The following SCNN1B variants were observed in gnomAD, a reference collection of about 807,000 sequenced individuals.
The protein encoded by SCNN1B is epithelial sodium channel subunit beta.
A neutral mutation model predicts 65.3 loss-of-function variants in SCNN1B; 46 were observed. That is an observed-to-expected ratio of 0.70 (90% CI 0.56 to 0.90). The LOEUF (loss-of-function observed/expected upper bound fraction) is 0.90. Ranked by LOEUF, SCNN1B falls within the 40% of genes least tolerant of loss-of-function variation. The pLI is 0.00. For missense variants in SCNN1B, 751 were observed against 830.5 expected (o/e 0.90, Z 1.18); for synonymous variants, 349 against 330.6 (o/e 1.06, Z -0.60).
chr16:23,317,550 C>T (rs72652293), intron 1 of SCNN1B, among the ~76,000 whole-genome samples: 5,927 of 152,152 alleles, frequency 0.039, 319 homozygotes, highest in African/African-American at 0.12. Flanking sequence ...CTGATGCTGC[C>T]GCCAATCCGG....
chr16:23,311,596 G>A (rs60280007), intron 1 of SCNN1B, among the ~76,000 whole-genome samples: 5,367 of 152,242 alleles, frequency 0.035, 292 homozygotes, highest in African/African-American at 0.12. Context: ...ACCCCAGGAG[G>A]GATTACCTTT....
At chr16:23,313,404 C>G (rs559633574) in intron 1 of SCNN1B, among the ~76,000 whole-genome samples, 1 of 152,278 alleles carries the variant, frequency 6.6e-6, no homozygotes, top group South Asian at 2.1e-4. Context: ...ATCCTGAAGA[C>G]CCCTCTACAA....
At chr16:23,350,003 G>A (rs925031175) in intron 2 of SCNN1B, among the ~76,000 whole-genome samples, 4 of 151,676 alleles carry the variant, frequency 2.6e-5, no homozygotes, top group South Asian at 2.1e-4. Flanking sequence ...GCTTGACCCC[G>A]AGAGGCAGAG....
Position 23,288,886 on chromosome 16 carries a change from T to A in SCNN1B, n.178+5082T>A, listed in dbSNP as rs77325114. ...TTCAGTTCCTCAAGAGTTGTTGGAC[T>A]CGGGGCCTCAGTTCCTGTCTGGTTT... On this transcript the variant is annotated intron_variant and non_coding_transcript_variant, in intron 2 of 3. Transcript: ENST00000569789. 2.0e-3 allele frequency among the ~76,000 whole-genome samples: 307 copies of A among 152,278 alleles called. 2 individuals carry two copies. Among genetic ancestry groups the A allele is most frequent in the African/African-American group, 6.8e-3 (281 of 41,578 alleles).
At chr16:23,356,602 T>C (rs1962425847) in intron 4 of SCNN1B, among the ~76,000 whole-genome samples, 2 of 149,680 alleles carry the variant, frequency 1.3e-5, no homozygotes, top group Non-Finnish European at 2.9e-5. Context: ...CCAGTCTGGG[T>C]GACAGAATGA....
intron 10 of SCNN1B, 60 bp from the exon 11 acceptor site, chr16:23,378,646 G>A: frequency 6.6e-7 from 1 of 1,505,402 alleles, no homozygotes; most frequent in Non-Finnish European, 9.2e-7. Context: ...AGGGAACAGA[G>A]CCATGACTGG....
intron 11 of SCNN1B, 137 bp downstream of exon 11, chr16:23,378,904 C>T (rs1229843988): frequency 1.3e-6 from 1 of 779,500 alleles, no homozygotes; most frequent in Non-Finnish European, 2.2e-6. Flanking sequence ...GAGGAGGAGG[C>T]ACTAGGAGTG....
At chr16:23,350,181 ACACAAC>A (rs1405421637) in intron 2 of SCNN1B, among the ~76,000 whole-genome samples, 1 of 152,186 alleles carries the variant, frequency 6.6e-6, no homozygotes, top group Non-Finnish European at 1.5e-5. Context: ...ATTCTAATCC[ACACAAC>A]CACCCTAGGA....
At chr16:23,307,429 C>T (rs1961244073) in intron 1 of SCNN1B, among the ~76,000 whole-genome samples, 1 of 151,514 alleles carries the variant, frequency 6.6e-6, no homozygotes, top group Admixed American at 6.6e-5. Flanking sequence ...AAGTGATGCT[C>T]CTGCCTCAGC....
intron 2 of SCNN1B, among the ~76,000 whole-genome samples, chr16:23,285,990 T>C (rs1030286517): frequency 7.9e-5 from 12 of 152,010 alleles, no homozygotes; most frequent in African/African-American, 2.9e-4. Flanking sequence ...ATAAATACCA[T>C]TGAATGAAAC....
intron 7 of SCNN1B, 30 bp downstream of exon 7, chr16:23,371,913 G>A (rs370750866): frequency 4.0e-4 from 611 of 1,528,194 alleles, no homozygotes; most frequent in Non-Finnish European, 5.2e-4. Flanking sequence ...CTCATGCCCC[G>A]GGGCCCCTGT....
Position 23,358,922 on chromosome 16 carries a change from A to G in SCNN1B, c.776+3433A>G, listed in dbSNP as rs150451516. Among the ~76,000 whole-genome samples, 38 of 152,302 alleles carry G rather than the reference A, an allele frequency of 2.5e-4. 1 individual carries two copies. In the East Asian group the frequency reaches 6.8e-3, roughly 27 times the overall value. On this transcript the variant is annotated intron_variant, in intron 4 of 12. Transcript: ENST00000343070. ...ACTCTCTTAAAAAACAGCAACAAAAACAAAAACCCCAATTTGACAAGGAAT... is the reference window on the plus strand; with the variant it reads ...ACTCTCTTAAAAAACAGCAACAAAAGCAAAAACCCCAATTTGACAAGGAAT...
In SCNN1B at chr16:23,305,577, T is replaced by A. The variant is rs56398020; in HGVS notation, c.-9+3140T>A. ...ATATATATATATATATATATATATA[T>A]TATATATATATATATATATATAACC... On this transcript the variant is annotated intron_variant, in intron 1 of 12. Transcript: ENST00000343070. Among the ~76,000 whole-genome samples the A allele has an allele frequency of 1.1e-3, 27 of 23,652 alleles. 1 individual carries two copies. The highest frequency in any genetic ancestry group is 6.8e-3 in the East Asian group (3 of 440). 15.5% of individuals were successfully genotyped at this position (23,652 alleles called of 152,430 possible).
intron 2 of SCNN1B, among the ~76,000 whole-genome samples, chr16:23,286,528 A>G (rs905416647): frequency 3.3e-5 from 5 of 152,278 alleles, no homozygotes; most frequent in African/African-American, 9.6e-5. Context: ...ATGCAAGAGC[A>G]TACTTATAAC....
intron 2 of SCNN1B, among the ~76,000 whole-genome samples, chr16:23,290,701 A>C (rs910391010): frequency 9.2e-5 from 14 of 152,216 alleles, no homozygotes; most frequent in African/African-American, 3.4e-4. Context: ...TTAATTAAAA[A>C]AAATTAGACT....
intron 1 of SCNN1B, among the ~76,000 whole-genome samples, chr16:23,318,247 C>A (rs1052939895): frequency 6.6e-6 from 1 of 152,202 alleles, no homozygotes; most frequent in Admixed American, 6.6e-5. Flanking sequence ...TACTTACTCT[C>A]ACTGTGTGAT....
intron 2 of SCNN1B, among the ~76,000 whole-genome samples, chr16:23,284,701 T>G (rs1461600479): frequency 6.6e-6 from 1 of 151,980 alleles, no homozygotes; most frequent in African/African-American, 2.4e-5. Context: ...TAGGGAGAGG[T>G]GAGGACCATG....
chr16:23,343,625 A>AAG (rs1461866809), intron 1 of SCNN1B, among the ~76,000 whole-genome samples: 1 of 134,686 alleles, frequency 7.4e-6, no homozygotes, highest in Admixed American at 7.3e-5. Context: ...GAAAGAAAGA[A>AAG]AGAAAGAAAG....
At chr16:23,337,881 C>T (rs1292808804) in intron 1 of SCNN1B, among the ~76,000 whole-genome samples, 1 of 151,888 alleles carries the variant, frequency 6.6e-6, no homozygotes, top group Non-Finnish European at 1.5e-5. Context: ...AGCTGGGCAA[C>T]ATGGCAAAAC....
Sources: allele counts gnomAD v4.1 joint callset (sites outside exome capture counted in the v4.1 genomes callset), GRCh38; gene constraint gnomAD v4.1.1; transcripts MANE v1.5; gene names NCBI Gene and HGNC (gene_info 2026-07-23, HGNC 2026-07-21).